CEP128: variants seen among roughly 807,000 people sequenced by gnomAD.
CEP128 encodes the protein centrosomal protein 128kDa.
Under a neutral mutation model 156.7 loss-of-function variants are expected in CEP128, and 132 were observed. That is an observed-to-expected ratio of 0.84 (90% CI 0.73 to 0.97). The LOEUF is 0.97. Among genes scored for constraint, CEP128 ranks in the 50% least tolerant of loss-of-function variants. The pLI is 0.00. For synonymous variants in CEP128, 469 were observed against 448.9 expected, an observed-to-expected ratio of 1.04 and a Z score of -0.57; for missense variants, 1,252 against 1,281.9, an observed-to-expected ratio of 0.98 and a Z score of 0.36.
chr14:80,814,851 G>T (rs967790628), intron 13 of CEP128, among the ~76,000 whole-genome samples: 4 of 152,338 alleles, frequency 2.6e-5, no homozygotes, highest in African/African-American at 7.2e-5. Context: ...GAGGTCAGGA[G>T]TTCGAGACCA....
intron 19 of CEP128, among the ~76,000 whole-genome samples, chr14:80,741,953 G>T (rs1307771186): frequency 6.6e-6 from 1 of 151,936 alleles, no homozygotes; most frequent in Non-Finnish European, 1.5e-5. Context: ...TTGTTTTTAA[G>T]ATCTAAATAA....
intron 19 of CEP128, among the ~76,000 whole-genome samples, chr14:80,694,034 C>G (rs1050510723): frequency 6.6e-6 from 1 of 151,996 alleles, no homozygotes; most frequent in Non-Finnish European, 1.5e-5. Context: ...TGATACATGA[C>G]ATCAGTTTAA....
intron 17 of CEP128, among the ~76,000 whole-genome samples, chr14:80,758,940 T>C (rs1446888529): frequency 6.6e-6 from 1 of 152,192 alleles, no homozygotes; most frequent in East Asian, 1.9e-4. Flanking sequence ...ACTTCCAATA[T>C]GAACCTATAC....
At chr14:80,838,360 GA>G (rs1886191030) in intron 10 of CEP128, 82 bp from the exon 11 acceptor site, 1 of 920,178 alleles carries the variant, frequency 1.1e-6, no homozygotes. Context: ...TTTAAAAGGA[GA>G]AAAGTGGAAA....
intron 7 of CEP128, among the ~76,000 whole-genome samples, chr14:80,898,537 C>G (rs1371281654): frequency 6.6e-6 from 1 of 152,162 alleles, no homozygotes; most frequent in Non-Finnish European, 1.5e-5. Context: ...TTACTCAAAT[C>G]ACCATTTAAA....
In CEP128 at chr14:80,785,193, T is replaced by G. The variant is rs1349883105; in HGVS notation, c.1913A>C (p.Lys638Thr). Residue 638 changes from lysine (K) to threonine (T), a missense_variant, in exon 15 of 25, where the codon AAG (lysine) becomes ACG (threonine). Physicochemically the swap from Lys to Thr is moderately conservative, Grantham distance 78. Coordinates refer to ENST00000555265, the MANE Select transcript of CEP128 (RefSeq NM_152446.5). Reference protein sequence around the residue: ...AKLLEMQESIKDLSAIRADLA... With the variant: ...AKLLEMQESITDLSAIRADLA... The stretch of plus-strand genomic sequence containing the variant: ...ATCTGCTCGGATGGCACTCAGGTCC[T>G]TGATGGACTCTTGCATCTCAAGAAG... The G allele has an allele frequency of 1.2e-6, 2 of 1,614,210 alleles. No individual in the cohort carries two copies. The highest frequency in any genetic ancestry group is 4.5e-5 in the East Asian group (2 of 44,880).
chr14:80,586,730 G>A (rs2140468460), intron 19 of CEP128, among the ~76,000 whole-genome samples: 1 of 152,296 alleles, frequency 6.6e-6, no homozygotes. Context: ...CAAATACCTA[G>A]ACACTTGAGA....
chr14:80,820,747 A>T (rs1885119933), intron 13 of CEP128, among the ~76,000 whole-genome samples: 1 of 152,250 alleles, frequency 6.6e-6, no homozygotes, highest in South Asian at 2.1e-4. Context: ...AAATTGTACC[A>T]GTATAAGGTT....
At chr14:80,550,946 G>A (rs552596657) in intron 21 of CEP128, among the ~76,000 whole-genome samples, 1 of 151,924 alleles carries the variant, frequency 6.6e-6, no homozygotes, top group Non-Finnish European at 1.5e-5. Context: ...GAATAAGACA[G>A]GGTTTCATTT....
rs367787634 is a variant in CEP128 at position 80,908,471 on chromosome 14, A to G, written c.235-2390T>C. 2.8e-5 allele frequency among the ~76,000 whole-genome samples: 4 copies of G among 143,032 alleles called. No homozygotes were observed. In the East Asian group the frequency reaches 5.8e-4, roughly 21 times the overall value. The allele number at this position is 143,032 out of a possible 152,430, so 93.8% of individuals were successfully genotyped here. A position where few individuals can be genotyped will look rare whatever the true frequency, so the allele number is the denominator to read the frequency against. On this transcript the variant is annotated intron_variant, in intron 4 of 24. Transcript: ENST00000555265. The stretch of plus-strand genomic sequence containing the variant: ...CTATACACAAGCTGTTGTTCACTCT[A>G]TTCATTCAAGGTCAGTTGGTTATTT...
chr14:80,819,593 C>A (rs986723364), intron 13 of CEP128, among the ~76,000 whole-genome samples: 1 of 152,108 alleles, frequency 6.6e-6, no homozygotes, highest in Non-Finnish European at 1.5e-5. Flanking sequence ...ATGAAGACAG[C>A]CTCATGACCT....
At chr14:80,955,397 G>A (rs1318735345) in intron 2 of CEP128, 12 of 529,788 alleles carry the variant, frequency 2.3e-5, no homozygotes, top group Non-Finnish European at 3.8e-5. Flanking sequence ...GACTGGTGTT[G>A]GGTGTCAGGG....
intron 19 of CEP128, among the ~76,000 whole-genome samples, chr14:80,731,320 C>T (rs1392856758): frequency 6.6e-6 from 1 of 152,154 alleles, no homozygotes; most frequent in Non-Finnish European, 1.5e-5. Flanking sequence ...ATAACCTGCC[C>T]CCACTTCCCT....
At chr14:80,790,598 A>G (rs1318256557) in intron 14 of CEP128, among the ~76,000 whole-genome samples, 1 of 151,812 alleles carries the variant, frequency 6.6e-6, no homozygotes, top group Admixed American at 6.6e-5. Flanking sequence ...CCCTGCAGTG[A>G]TACGCGATTT....
chr14:80,709,358 G>A (rs553489687), intron 19 of CEP128, among the ~76,000 whole-genome samples: 15 of 152,092 alleles, frequency 9.9e-5, no homozygotes, highest in South Asian at 4.2e-4. Context: ...GGCTGGTCTC[G>A]AACTCCTGAC....
At chr14:80,543,954 A>G (rs1889874605) in intron 21 of CEP128, among the ~76,000 whole-genome samples, 2 of 152,206 alleles carry the variant, frequency 1.3e-5, no homozygotes, top group Non-Finnish European at 2.9e-5. Flanking sequence ...TGTGCTATGA[A>G]AACTCTAGAA....
intron 2 of CEP128, among the ~76,000 whole-genome samples, chr14:80,933,210 C>T (rs555880384): frequency 6.2e-4 from 94 of 152,284 alleles, no homozygotes; most frequent in African/African-American, 2.1e-3. Flanking sequence ...TGCCTTCCAG[C>T]GTCACTCCGC....
At chr14:80,836,418 T>G in intron 11 of CEP128, 81 bp from the exon 12 acceptor site, 2 of 1,504,062 alleles carry the variant, frequency 1.3e-6, no homozygotes, top group Non-Finnish European at 1.8e-6. Context: ...TAAACACAAG[T>G]TGAATCCAGG....
At chr14:80,539,231 G>T (rs1160101284) in intron 21 of CEP128, among the ~76,000 whole-genome samples, 1 of 152,178 alleles carries the variant, frequency 6.6e-6, no homozygotes, top group East Asian at 1.9e-4. Flanking sequence ...GAAGTGTAAA[G>T]CAGGGTAAAG....
Sources: gnomAD v4.1 joint callset for allele counts (sites outside exome capture counted in the v4.1 genomes callset) on GRCh38, gnomAD v4.1.1 for gene constraint, MANE v1.5 for transcripts, NCBI Gene and HGNC (gene_info 2026-07-23, HGNC 2026-07-21) for gene names.